Variants in TERT observed in about 807,000 individuals in gnomAD.
TERT encodes telomerase reverse transcriptase.
In TERT, 42 loss-of-function variants were observed where a neutral mutation model predicts 104.0. The observed-to-expected ratio is 0.40, with a 90% CI of 0.32 to 0.52. The LOEUF is 0.52. Ranked by LOEUF, TERT falls within the 20% of genes least tolerant of loss-of-function variation. The probability of loss-of-function intolerance (pLI) is 0.43; values close to 1 mark genes in which losing one functional copy is unlikely to be tolerated. For synonymous variants in TERT, 781 were observed against 725.6 expected, an observed-to-expected ratio of 1.08 and a Z score of -1.23; for missense variants, 1,101 against 1,610.3, an observed-to-expected ratio of 0.68 and a Z score of 5.41.
intron 3 of TERT, among the ~76,000 whole-genome samples, chr5:1,281,299 C>A (rs762251629): frequency 4.6e-5 from 7 of 152,240 alleles, no homozygotes; most frequent in Non-Finnish European, 1.0e-4. Flanking sequence ...CCCAGCACCA[C>A]GTCGGGGTCC....
In TERT at chr5:1,287,977, G is replaced by C. The variant is rs981492130; in HGVS notation, c.1573+5336C>G. ...ATTATACAGACCACTACACAACTGA[G>C]TTAGAAATCAATAATAAAATGATAA... On this transcript the variant is annotated intron_variant, in intron 2 of 15. Transcript: ENST00000310581. This position sits in a 1 kb window ranked among gnomAD's most constrained non-coding sequence, Gnocchi z 4.3. 8.6e-5 allele frequency among the ~76,000 whole-genome samples: 13 copies of C among 151,478 alleles called. No homozygotes were observed. The highest frequency in any genetic ancestry group is 2.9e-5 in the Non-Finnish European group (2 of 67,988).
At chr5:1,260,670 T>C (rs1349133609) in intron 11 of TERT, 70 bp from the exon 12 acceptor site, 2 of 1,602,454 alleles carry the variant, frequency 1.2e-6, no homozygotes, top group Non-Finnish European at 1.7e-6. Context: ...CAAAGCTTGC[T>C]CCAAAGAGCC....
chr5:1,271,317 C>T (rs890863218), intron 7 of TERT, 113 bp from the exon 8 acceptor site: 20 of 779,816 alleles, frequency 2.6e-5, no homozygotes, highest in East Asian at 1.6e-4. Flanking sequence ...TGATGAAGTG[C>T]GGGGCTGGGC....
chr5:1,293,970 C>CTG lies in TERT; in HGVS notation c.915_916insCA (p.Gly306GlnfsTer46). ...GGTGGCCGCGATGTGGATGGGGGGCCCGCGTGGTGCTGGCGGCCCACGGAT... is the reference window on the plus strand; with the variant it reads ...GGTGGCCGCGATGTGGATGGGGGGCCTGCGCGTGGTGCTGGCGGCCCACGGAT... On this transcript the variant is annotated frameshift_variant, in exon 2 of 16. Coordinates refer to ENST00000310581, the MANE Select transcript of TERT (RefSeq NM_198253.3). LOFTEE classifies it high-confidence loss of function. The CTG allele has an allele frequency of 6.4e-7, 1 of 1,558,170 alleles. No homozygotes were observed. Among genetic ancestry groups the CTG allele is most frequent in the Non-Finnish European group, 8.7e-7 (1 of 1,154,950 alleles).
At position 1,269,742 on chromosome 5, in the gene TERT, G is replaced by A. The variant is rs991303095; in HGVS notation, c.2469-1109C>T. 4.6e-5 allele frequency among the ~76,000 whole-genome samples: 7 copies of A among 152,296 alleles called. No homozygotes were observed. The highest frequency in any genetic ancestry group is 3.9e-4 in the East Asian group (2 of 5,190). On this transcript the variant is annotated intron_variant, in intron 8 of 15. Transcript: ENST00000310581. This position sits in a 1 kb window ranked among gnomAD's most constrained non-coding sequence, Gnocchi z 9.0. The stretch of plus-strand genomic sequence containing the variant: ...ACTCTAGGAGTCCGGCCAGCCCAGC[G>A]AGTCAACGCAAGCAGATACGCCCCT...
Position 1,294,364 on chromosome 5 carries a change from C to G in TERT, c.522G>C (p.Pro174=), listed in dbSNP as rs773784305. The change falls in exon 2 of 16, where the codon CCG becomes CCC. Residue 174 remains proline (P), a synonymous_variant. Transcript: ENST00000310581. ...GAGTGGCAGCGCCGAGCTGGTACAG[C>G]GGCGGCCCGCACACCTGGTAGGCGC... ...PSCAYQVCGP[P]LYQLGAATQA... is the part of the protein sequence containing the mutation. 6.3e-7 allele frequency: 1 copy of G among 1,575,224 alleles called. No homozygotes were observed.
At chr5:1,272,603 GTC>G (rs1749151747) in intron 6 of TERT, among the ~76,000 whole-genome samples, 5 of 21,350 alleles carry the variant, frequency 2.3e-4, no homozygotes, top group African/African-American at 4.2e-4. Context: ...GCCATCCACA[GTC>G]ACCACATCAG....
Position 1,255,284 on chromosome 5 carries a change from T to C in TERT, c.3157+3A>G, listed in dbSNP as rs369807900. 2 of 1,613,622 alleles carry C rather than the reference T, an allele frequency of 1.2e-6. No homozygotes were observed. The highest frequency in any genetic ancestry group is 1.7e-6 in the Non-Finnish European group (2 of 1,179,788). ...GCCACTGAGGCCAGGCACCTGCACATACCTGCGTTCTTGGCTTTCAGGATG... is the reference window on the plus strand; with the variant it reads ...GCCACTGAGGCCAGGCACCTGCACACACCTGCGTTCTTGGCTTTCAGGATG... On this transcript the variant is annotated splice_donor_region_variant and intron_variant, in intron 14 of 15. Coordinates refer to ENST00000310581, the MANE Select transcript of TERT (RefSeq NM_198253.3). This position sits in a 1 kb window ranked among gnomAD's most constrained non-coding sequence, Gnocchi z 6.9.
At chr5:1,272,135 G>T in intron 7 of TERT, 50 bp downstream of exon 7, 1 of 1,430,952 alleles carries the variant, frequency 7.0e-7, no homozygotes, top group Non-Finnish European at 9.7e-7. Flanking sequence ...GCCCAGGGGA[G>T]GACCCACTGC....
Position 1,272,247 on chromosome 5 carries a change from G to T in TERT, c.2320C>A (p.Arg774=), listed in dbSNP as rs770066110. The stretch of plus-strand genomic sequence containing the variant: ...TCCTGCAGGTGAGCCACGAACTGTC[G>T]CATGTACGGCTGGAGGTCTGTCAAG... ...STLTDLQPYM[R]QFVAHLQETS... Residue 774 remains arginine (R), a synonymous_variant, in exon 7 of 16, where the codon CGA becomes AGA. Coordinates refer to ENST00000310581, the MANE Select transcript of TERT (RefSeq NM_198253.3). The T allele has an allele frequency of 6.2e-7, 1 of 1,612,754 alleles. No individual in the cohort carries two copies. Among genetic ancestry groups the T allele is most frequent in the Non-Finnish European group, 8.5e-7 (1 of 1,179,810 alleles).
intron 6 of TERT, among the ~76,000 whole-genome samples, chr5:1,277,614 G>C (rs1749695619): frequency 7.6e-6 from 1 of 130,942 alleles, no homozygotes; most frequent in Non-Finnish European, 1.6e-5. Context: ...GTGGGGGGGG[G>C]TCTCCTGGGC....
chr5:1,266,891 G>A (rs1328049572), intron 9 of TERT, among the ~76,000 whole-genome samples: 1 of 152,180 alleles, frequency 6.6e-6, no homozygotes, highest in African/African-American at 2.4e-5. Flanking sequence ...TCTGAGCCAC[G>A]TGGTGCCCTT....
chr5:1,286,027 C>T lies in TERT; in HGVS notation c.1574-3403G>A, dbSNP rs988058393. Among the ~76,000 whole-genome samples the T allele has an allele frequency of 2.6e-5, 4 of 152,216 alleles. No individual in the cohort carries two copies. Among genetic ancestry groups the T allele is most frequent in the South Asian group, 4.1e-4 (2 of 4,826 alleles). On this transcript the variant is annotated intron_variant, in intron 2 of 15. Coordinates refer to ENST00000310581, the MANE Select transcript of TERT (RefSeq NM_198253.3). This position sits in a 1 kb window ranked among gnomAD's most constrained non-coding sequence, Gnocchi z 5.3. Reference sequence around the variant, plus strand: ...GAGCTGGCGCCACACCGCAGGTTTGCGCGATTTCAAACTCGACACCGCGGA... The same window carrying T: ...GAGCTGGCGCCACACCGCAGGTTTGTGCGATTTCAAACTCGACACCGCGGA...
Position 1,253,440 on chromosome 5 carries a change from C to G in TERT, c.*288G>C. 1.8e-6 allele frequency: 1 copy of G among 555,940 alleles called. No homozygotes were observed. The allele number at this position is 555,940 out of a possible 1,614,324, so 34.4% of individuals were successfully genotyped here. A position where few individuals can be genotyped will look rare whatever the true frequency, so the allele number is the denominator to read the frequency against. Reference sequence around the variant, plus strand: ...CTATGTGGGGAGTGGAAGCCGGGCTCCTGGTGAGGAAAAGCTGGCCCTGGG... The same window carrying G: ...CTATGTGGGGAGTGGAAGCCGGGCTGCTGGTGAGGAAAAGCTGGCCCTGGG... On this transcript the variant is annotated 3_prime_UTR_variant, in exon 16 of 16. Transcript: ENST00000310581.
chr5:1,260,170 C>T (rs1185620508), intron 12 of TERT, among the ~76,000 whole-genome samples: 10 of 152,218 alleles, frequency 6.6e-5, no homozygotes, highest in Admixed American at 5.9e-4. Context: ...GCTACTCACA[C>T]TGCACACCCA....
intron 12 of TERT, among the ~76,000 whole-genome samples, chr5:1,258,964 G>C (rs9764053): frequency 9.4e-4 from 143 of 152,012 alleles, no homozygotes; most frequent in African/African-American, 3.1e-3. Flanking sequence ...CACAGAGAGG[G>C]GGAGTGGACG....
At chr5:1,260,678 GC>G in intron 11 of TERT, 78 bp from the exon 12 acceptor site, 1 of 1,593,480 alleles carries the variant, frequency 6.3e-7, no homozygotes, top group Non-Finnish European at 8.5e-7. Context: ...GCTCCAAAGA[GC>G]CTCCTGCCTT....
At chr5:1,279,992 C>T (rs753802895) in intron 4 of TERT, among the ~76,000 whole-genome samples, 166 bp downstream of exon 4, 1 of 152,226 alleles carries the variant, frequency 6.6e-6, no homozygotes, top group Admixed American at 6.5e-5. Flanking sequence ...TCTGGAGGCA[C>T]CGGCACCTCG....
In TERT at chr5:1,288,035, A is replaced by G. The variant is rs772365308; in HGVS notation, c.1573+5278T>C. The stretch of plus-strand genomic sequence containing the variant: ...TACTCTACGTATCTTGATACTCTAC[A>G]TATCTTGAACATAAACAGTGTTCAA... On this transcript the variant is annotated intron_variant, in intron 2 of 15. Coordinates refer to ENST00000310581, the MANE Select transcript of TERT (RefSeq NM_198253.3). This position sits in a 1 kb window ranked among gnomAD's most constrained non-coding sequence, Gnocchi z 5.3. 3.3e-5 allele frequency among the ~76,000 whole-genome samples: 5 copies of G among 152,190 alleles called. No homozygotes were observed. Among genetic ancestry groups the G allele is most frequent in the South Asian group, 2.1e-4 (1 of 4,834 alleles).
Sources: allele counts gnomAD v4.1 joint callset (sites outside exome capture counted in the v4.1 genomes callset), GRCh38; gene constraint gnomAD v4.1.1; non-coding constraint Gnocchi (gnomAD v3.1); transcripts MANE v1.5; gene names NCBI Gene and HGNC (gene_info 2026-07-23, HGNC 2026-07-21).